RFX4: variants seen among roughly 807,000 people sequenced by gnomAD.
The protein encoded by RFX4 is regulatory factor X4, also known as transcription factor RFX4.
RFX4 carries 10 observed loss-of-function variants against 95.0 expected under a neutral mutation model. The observed-to-expected ratio is 0.11, with a 90% CI of 0.06 to 0.18. The LOEUF (loss-of-function observed/expected upper bound fraction) is 0.18. Ranked by LOEUF, RFX4 falls within the 10% of genes least tolerant of loss-of-function variation. The pLI, the probability that RFX4 is intolerant of heterozygous loss-of-function variation, is 1.00. For missense variants in RFX4, 640 were observed against 922.0 expected, an observed-to-expected ratio of 0.69 and a Z score of 3.96; for synonymous variants, 321 against 340.7, an observed-to-expected ratio of 0.94 and a Z score of 0.64.
chr12:106,646,957 G>T (rs984906763), intron 3 of RFX4, among the ~76,000 whole-genome samples: 1 of 152,184 alleles, frequency 6.6e-6, no homozygotes, highest in Non-Finnish European at 1.5e-5. Context: ...CTTAATGGTT[G>T]TGTAATGAAA....
At chr12:106,665,563 G>T (rs1048863511) in intron 4 of RFX4, among the ~76,000 whole-genome samples, 2 of 151,644 alleles carry the variant, frequency 1.3e-5, no homozygotes, top group South Asian at 2.1e-4. Context: ...TATTTGTTAC[G>T]ATTTTTGTCT....
intron 10 of RFX4, among the ~76,000 whole-genome samples, chr12:106,714,068 CAAAA>C (rs58283896): frequency 1.8e-3 from 54 of 30,522 alleles, no homozygotes; most frequent in East Asian, 0.014. Flanking sequence ...AACTCCATCT[CAAAA>C]AAAAAAAAAA....
rs956656663 is a variant in RFX4 at position 106,665,664 on chromosome 12, T to TA, written c.315+11320dup. On this transcript the variant is annotated intron_variant, in intron 4 of 17. Transcript: ENST00000392842. ...TATTAGCATATGTTATACTTTAACA[T>TA]AAAAAAACCTTTTAAATGGCCTTCC... Among the ~76,000 whole-genome samples, 14 of 152,010 alleles carry TA rather than the reference T, an allele frequency of 9.2e-5. No individual in the cohort carries two copies. The East Asian group carries it at 1.2e-3, about 13-fold the overall frequency.
Position 106,698,034 on chromosome 12 carries a change from G to A in RFX4, c.833+1588G>A, listed in dbSNP as rs193058550. On this transcript the variant is annotated intron_variant, in intron 8 of 17. Coordinates refer to ENST00000392842, the MANE Select transcript of RFX4 (RefSeq NM_213594.3). The stretch of plus-strand genomic sequence containing the variant: ...GTTGCCCAGGCTGGAGTGCAATGGC[G>A]CAGTCTTGGCTCACTACAACCTCTG... Among the ~76,000 whole-genome samples, 880 of 151,686 alleles carry A rather than the reference G, an allele frequency of 5.8e-3. 9 individuals carry two copies. Among genetic ancestry groups the A allele is most frequent in the African/African-American group, 0.02 (833 of 41,340 alleles).
At chr12:106,599,376 G>A (rs930387397) in intron 1 of RFX4, among the ~76,000 whole-genome samples, 1 of 152,048 alleles carries the variant, frequency 6.6e-6, no homozygotes, top group South Asian at 2.1e-4. Context: ...ATATAATTAC[G>A]AGTATATAAC....
intron 4 of RFX4, among the ~76,000 whole-genome samples, chr12:106,668,617 A>G (rs190729674): frequency 6.6e-6 from 1 of 152,354 alleles, no homozygotes; most frequent in African/African-American, 2.4e-5. Flanking sequence ...CCTTGGACTA[A>G]GGATGAAGGG....
Position 106,589,511 on chromosome 12 carries a change from C to A in RFX4, c.43+6148C>A, listed in dbSNP as rs116022203. On this transcript the variant is annotated intron_variant, in intron 1 of 17. Coordinates refer to ENST00000392842, the MANE Select transcript of RFX4 (RefSeq NM_213594.3). The stretch of plus-strand genomic sequence containing the variant: ...CTTTTTCACACATTAGCCATTGAAG[C>A]CTTATCACAACTCTGCATAGTCTCT... Among the ~76,000 whole-genome samples the A allele has an allele frequency of 9.9e-3, 1,512 of 152,232 alleles. 28 individuals are homozygous for A. Among genetic ancestry groups the A allele is most frequent in the African/African-American group, 0.035 (1,449 of 41,528 alleles).
intron 2 of RFX4, among the ~76,000 whole-genome samples, chr12:106,621,588 G>A (rs567346738): frequency 2.0e-5 from 3 of 152,232 alleles, no homozygotes; most frequent in African/African-American, 7.2e-5. Context: ...TCAATTTCTT[G>A]TTTTCTCAAT....
chr12:106,596,860 A>T (rs2039627566), intron 1 of RFX4, among the ~76,000 whole-genome samples: 1 of 152,266 alleles, frequency 6.6e-6, no homozygotes. Flanking sequence ...TTAGTGCTTA[A>T]TAAATGTTTA....
At chr12:106,672,259 A>G (rs990872005) in intron 4 of RFX4, among the ~76,000 whole-genome samples, 3 of 152,160 alleles carry the variant, frequency 2.0e-5, no homozygotes, top group Non-Finnish European at 4.4e-5. Flanking sequence ...GATGAGTGAC[A>G]TGGCCACCAC....
At chr12:106,584,447 C>A (rs911451677) in intron 1 of RFX4, among the ~76,000 whole-genome samples, 1 of 152,138 alleles carries the variant, frequency 6.6e-6, no homozygotes, top group Non-Finnish European at 1.5e-5. Flanking sequence ...TGGGCCGTGG[C>A]GAGGTTTGAG....
chr12:106,722,679 T>C (rs2137534598), intron 13 of RFX4, among the ~76,000 whole-genome samples: 1 of 152,326 alleles, frequency 6.6e-6, no homozygotes, highest in African/African-American at 2.4e-5. Context: ...ACAGTATTTC[T>C]CAACCCTGAG....
chr12:106,609,292 A>G (rs186476137), intron 2 of RFX4, among the ~76,000 whole-genome samples: 1 of 152,354 alleles, frequency 6.6e-6, no homozygotes, highest in East Asian at 1.9e-4. Flanking sequence ...CCTTGATATC[A>G]GAAAGCAGAA....
chr12:106,759,387 A>G (rs2043170232), intron 17 of RFX4, among the ~76,000 whole-genome samples: 1 of 152,170 alleles, frequency 6.6e-6, no homozygotes. Flanking sequence ...GATACCCAGG[A>G]GTTGACTTGA....
At chr12:106,736,903 T>G (rs912356357) in intron 15 of RFX4, among the ~76,000 whole-genome samples, 19 of 152,088 alleles carry the variant, frequency 1.2e-4, no homozygotes, top group African/African-American at 4.6e-4. Context: ...AGCCTGTGCC[T>G]CCTCAAAGTG....
At chr12:106,667,084 T>G (rs1330939835) in intron 4 of RFX4, among the ~76,000 whole-genome samples, 2 of 152,186 alleles carry the variant, frequency 1.3e-5, no homozygotes, top group African/African-American at 2.4e-5. Context: ...TCTCAATCCT[T>G]TAGTAAGCCT....
At chr12:106,600,987 C>A in intron 1 of RFX4, 2 of 416,534 alleles carry the variant, frequency 4.8e-6, no homozygotes, top group Non-Finnish European at 7.6e-6. Context: ...AGAGCAGAGA[C>A]CTTGTCTGCC....
intron 4 of RFX4, among the ~76,000 whole-genome samples, chr12:106,679,446 C>T (rs1203652504): frequency 6.7e-6 from 1 of 148,966 alleles, no homozygotes; most frequent in East Asian, 2.0e-4. Context: ...AGAGTGGGGG[C>T]TCTGTCTCAG....
intron 4 of RFX4, among the ~76,000 whole-genome samples, chr12:106,655,210 C>T (rs540335293): frequency 6.6e-6 from 1 of 152,274 alleles, no homozygotes; most frequent in African/African-American, 2.4e-5. Context: ...AGGGCTGAGC[C>T]AGCCACCCTG....
Sources: allele counts gnomAD v4.1 joint callset (sites outside exome capture counted in the v4.1 genomes callset), GRCh38; gene constraint gnomAD v4.1.1; transcripts MANE v1.5; gene names NCBI Gene and HGNC (gene_info 2026-07-23, HGNC 2026-07-21).